The following TPO variants were observed in gnomAD, a reference collection of about 807,000 sequenced individuals.
The protein encoded by TPO is thyroid microsomal antigen.
TPO carries 78 observed loss-of-function variants against 96.9 expected under a neutral mutation model. The ratio of observed to expected loss-of-function variants is 0.81; its 90% CI spans 0.67 to 0.97. The LOEUF (loss-of-function observed/expected upper bound fraction) is 0.97, where lower values mean the gene tolerates loss of function less well. Ranked by LOEUF, TPO falls within the 50% of genes least tolerant of loss-of-function variation. The probability of loss-of-function intolerance (pLI) is 0.00; values close to 1 mark genes in which losing one functional copy is unlikely to be tolerated. For missense variants in TPO, 1,252 were observed against 1,274.8 expected, an observed-to-expected ratio of 0.98 and a Z score of 0.27; for synonymous variants, 547 against 538.0, an observed-to-expected ratio of 1.02 and a Z score of -0.23.
At chr2:1,539,026 G>A (rs1680410900) in intron 15 of TPO, among the ~76,000 whole-genome samples, 1 of 152,076 alleles carries the variant, frequency 6.6e-6, no homozygotes, top group African/African-American at 2.4e-5. Context: ...CAGTCCTGCT[G>A]GATTCCAGGT....
At chr2:1,457,595 A>G (rs986389220) in intron 7 of TPO, among the ~76,000 whole-genome samples, 1 of 151,196 alleles carries the variant, frequency 6.6e-6, no homozygotes, top group South Asian at 2.1e-4. Flanking sequence ...GGGTACACAT[A>G]TATGTAGCAT....
In TPO at chr2:1,419,283, A is replaced by T. The variant is rs145938402; in HGVS notation, c.95-3762A>T. Among the ~76,000 whole-genome samples, 116 of 152,224 alleles carry T rather than the reference A, an allele frequency of 7.6e-4. 1 individual carries two copies. Among genetic ancestry groups the T allele is most frequent in the African/African-American group, 2.2e-3 (93 of 41,546 alleles). On this transcript the variant is annotated intron_variant, in intron 2 of 16. Transcript: ENST00000329066. ...AGTTCTGAAAAAAAACTTCGGGTTC[A>T]AACTCCCTAAGTCTATGGTCCTTGC...
intron 4 of TPO, among the ~76,000 whole-genome samples, chr2:1,434,090 G>A (rs1324528687): frequency 6.6e-6 from 1 of 152,126 alleles, no homozygotes; most frequent in Non-Finnish European, 1.5e-5. Context: ...GAGGACAGTG[G>A]CACTGCTCAC....
intron 8 of TPO, among the ~76,000 whole-genome samples, chr2:1,479,192 G>A (rs77363812): frequency 1.3e-5 from 2 of 152,214 alleles, no homozygotes; most frequent in East Asian, 1.9e-4. Context: ...CCGGCCACAC[G>A]CGTGGGGAGG....
chr2:1,478,089 G>A (rs1447293673), intron 8 of TPO: 1 of 985,324 alleles, frequency 1.0e-6, no homozygotes, highest in East Asian at 1.1e-4. Flanking sequence ...ACAGTGCAGT[G>A]AATGAAGAAC....
chr2:1,472,038 T>G (rs1043631320), intron 7 of TPO, among the ~76,000 whole-genome samples: 6 of 152,030 alleles, frequency 3.9e-5, no homozygotes, highest in South Asian at 2.1e-4. Flanking sequence ...ATTCTTTGAG[T>G]GCTCATAGTA....
chr2:1,412,993 A>G (rs1662514799), upstream of TPO, among the ~76,000 whole-genome samples: 1 of 152,120 alleles, frequency 6.6e-6, no homozygotes, highest in Non-Finnish European at 1.5e-5. Context: ...ACAAATTGGA[A>G]AAAAGTGTAC....
chr2:1,522,764 C>G (rs1001830532), intron 15 of TPO, among the ~76,000 whole-genome samples: 5 of 147,708 alleles, frequency 3.4e-5, no homozygotes, highest in Non-Finnish European at 6.0e-5. Flanking sequence ...CAAATCCCCC[C>G]ACTGTGTGCA....
chr2:1,524,595 T>G (rs1675996392), intron 15 of TPO, among the ~76,000 whole-genome samples: 1 of 58,778 alleles, frequency 1.7e-5, no homozygotes, highest in South Asian at 6.4e-4. Flanking sequence ...GTGTGTAACC[T>G]CCTCAAATCC....
At position 1,543,640 on chromosome 2, in the gene TPO, A is replaced by ATGAT. The variant is rs1421273563; in HGVS notation, c.*1168_*1171dup. ...TCTTAGTTTTGTTCATGTAAAACTC[A>ATGAT]TGATTTCATAATTAAAACAATATTA... On this transcript the variant is annotated 3_prime_UTR_variant, in exon 17 of 17. Transcript: ENST00000329066. 6.6e-6 allele frequency: 1 copy of ATGAT among 150,748 alleles called. No individual in the cohort carries two copies. Among genetic ancestry groups the ATGAT allele is most frequent in the African/African-American group, 2.4e-5 (1 of 41,298 alleles). The allele number at this position is 150,748 out of a possible 1,614,324, so 9.3% of individuals were successfully genotyped here.
chr2:1,529,208 C>A (rs1473001087), intron 15 of TPO, among the ~76,000 whole-genome samples: 2 of 69,932 alleles, frequency 2.9e-5, no homozygotes, highest in Admixed American at 1.9e-4. Flanking sequence ...CTCTGTGCAA[C>A]CTCCTCAAAT....
chr2:1,404,109 T>A lies in TPO; in HGVS notation n.180+29707T>A, dbSNP rs142001816. Among the ~76,000 whole-genome samples the A allele has an allele frequency of 4.3e-3, 650 of 152,278 alleles. 3 individuals are homozygous for A. Among genetic ancestry groups the A allele is most frequent in the African/African-American group, 0.015 (622 of 41,562 alleles). ...CAGATCATGCCAAAGGTAAAACCCG[T>A]GTTGTATGTGATTCTGAAACTGGAA... On this transcript the variant is annotated intron_variant and non_coding_transcript_variant, in intron 1 of 5. Coordinates refer to the TPO transcript ENST00000497517.
intron 13 of TPO, among the ~76,000 whole-genome samples, chr2:1,503,473 GGGAGCA>G (rs1033826437): frequency 3.3e-5 from 5 of 152,326 alleles, no homozygotes; most frequent in African/African-American, 9.6e-5. Context: ...CTTGTGCAGG[GGGAGCA>G]GGAGCAGGAG....
chr2:1,537,677 C>CCCAATGTG (rs1680135676), intron 15 of TPO, among the ~76,000 whole-genome samples: 1 of 133,662 alleles, frequency 7.5e-6, no homozygotes, highest in African/African-American at 2.9e-5. Flanking sequence ...GCAAATCCCC[C>CCCAATGTG]TACTCTGTGG....
chr2:1,407,510 T>C (rs1407000581), intron 1 of TPO, among the ~76,000 whole-genome samples: 2 of 152,256 alleles, frequency 1.3e-5, no homozygotes. Flanking sequence ...TCTTTCTTTT[T>C]AGAAATGGCA....
intron 2 of TPO, among the ~76,000 whole-genome samples, chr2:1,421,968 G>T (rs1663591436): frequency 6.6e-6 from 1 of 152,160 alleles, no homozygotes; most frequent in Non-Finnish European, 1.5e-5. Context: ...GGCGAGCTGT[G>T]AGCCCGTGCT....
intron 14 of TPO, among the ~76,000 whole-genome samples, chr2:1,507,385 A>G (rs1180901023): frequency 1.3e-5 from 2 of 152,146 alleles, no homozygotes; most frequent in Non-Finnish European, 2.9e-5. Flanking sequence ...TTGGTTCCAT[A>G]TGAACTTTAA....
intron 15 of TPO, among the ~76,000 whole-genome samples, chr2:1,526,471 A>G (rs1313098472): frequency 8.8e-6 from 1 of 113,746 alleles, no homozygotes; most frequent in Non-Finnish European, 1.8e-5. Flanking sequence ...AATCCCCTCC[A>G]CTGTGTGCAA....
chr2:1,537,415 CCAAACCCTCCCATT>C (rs1680006696), intron 15 of TPO, among the ~76,000 whole-genome samples: 1 of 135,934 alleles, frequency 7.4e-6, no homozygotes, highest in African/African-American at 2.9e-5. Flanking sequence ...AGCAACCTCC[CCAAACCCTCCCATT>C]GTGTGCAAAC....
Sources: allele counts gnomAD v4.1 joint callset (sites outside exome capture counted in the v4.1 genomes callset), GRCh38; gene constraint gnomAD v4.1.1; transcripts MANE v1.5; gene names NCBI Gene and HGNC (gene_info 2026-07-23, HGNC 2026-07-21).